NOL4L: variants seen among roughly 807,000 people sequenced by gnomAD.
NOL4L encodes the protein nucleolar protein 4 like.
NOL4L carries 7 observed loss-of-function variants against 64.5 expected under a neutral mutation model. The ratio of observed to expected loss-of-function variants is 0.11; its 90% CI spans 0.06 to 0.20. The LOEUF (loss-of-function observed/expected upper bound fraction) is 0.20, where lower values mean the gene tolerates loss of function less well. Among genes scored for constraint, NOL4L ranks in the 10% least tolerant of loss-of-function variants. NOL4L has a pLI of 1.00. For synonymous variants in NOL4L, 413 were observed against 401.0 expected (o/e 1.03, Z -0.36); for missense variants, 680 against 967.1 (o/e 0.70, Z 3.94).
intron 3 of NOL4L, among the ~76,000 whole-genome samples, chr20:32,512,614 G>A (rs1339319538): frequency 6.6e-6 from 1 of 152,128 alleles, no homozygotes; most frequent in Admixed American, 6.5e-5. Context: ...ATATGCTTCT[G>A]TTTATTTTTT....
At chr20:32,461,498 C>T (rs1482601244) in intron 5 of NOL4L, among the ~76,000 whole-genome samples, 6 of 148,284 alleles carry the variant, frequency 4.0e-5, no homozygotes, top group Non-Finnish European at 8.9e-5. Flanking sequence ...TCTCGGCTCA[C>T]TGCAAGCTCC....
chr20:32,488,747 T>TTCTTTTCC (rs1392925840), intron 4 of NOL4L, among the ~76,000 whole-genome samples: 30 of 106,906 alleles, frequency 2.8e-4, no homozygotes, highest in African/African-American at 6.5e-4. Flanking sequence ...CTTTCTTTCT[T>TTCTTTTCC]TTCCTTCCTT....
At chr20:32,488,793 T>TCCTTCCTTCCTTTCTTTCTTTC (rs1304215016) in intron 4 of NOL4L, among the ~76,000 whole-genome samples, 3 of 26,900 alleles carry the variant, frequency 1.1e-4, no homozygotes, top group Non-Finnish European at 1.7e-4. Flanking sequence ...CTTCCTTCCT[T>TCCTTCCTTCCTTTCTTTCTTTC]TCTTTCTTTC....
intron 3 of NOL4L, among the ~76,000 whole-genome samples, chr20:32,515,684 C>T (rs766959115): frequency 2.2e-4 from 33 of 152,262 alleles, no homozygotes; most frequent in Non-Finnish European, 1.8e-4. Flanking sequence ...CTCTGAGACA[C>T]GCCGCCCCCC....
chr20:32,554,441 A>G (rs1226957994), intron 1 of NOL4L, among the ~76,000 whole-genome samples: 1 of 152,144 alleles, frequency 6.6e-6, no homozygotes, highest in Non-Finnish European at 1.5e-5. Context: ...TCATGGGCAG[A>G]GAGACCCAGC....
At chr20:32,584,316 G>A (rs1358566076) in intron 1 of NOL4L, among the ~76,000 whole-genome samples, 2 of 151,200 alleles carry the variant, frequency 1.3e-5, no homozygotes, top group African/African-American at 4.8e-5. Context: ...GAGCAGCCCG[G>A]GACAGCCTGC....
rs927879931 is a variant in NOL4L, at chr20:32,541,680, C to T, written c.322-13767G>A. On this transcript the variant is annotated intron_variant, in intron 1 of 10. Transcript: ENST00000621426. ...CACAAACTGGCCTTTGTTCCTGGGC[C>T]GGCCAAGACCCAGCAGCTTGGGCTT... Among the ~76,000 whole-genome samples the T allele has an allele frequency of 2.0e-5, 3 of 152,248 alleles. No homozygotes were observed. In the East Asian group the frequency reaches 5.8e-4, roughly 29 times the overall value.
intron 1 of NOL4L, among the ~76,000 whole-genome samples, chr20:32,538,865 C>G (rs900381644): frequency 3.9e-5 from 6 of 152,204 alleles, no homozygotes; most frequent in African/African-American, 1.4e-4. Flanking sequence ...AGCCCTCTCC[C>G]GGAAAGGGAG....
chr20:32,461,062 C>T (rs2013994378), intron 5 of NOL4L, among the ~76,000 whole-genome samples: 1 of 152,210 alleles, frequency 6.6e-6, no homozygotes, highest in South Asian at 2.1e-4. Flanking sequence ...AGGGCTGAAG[C>T]CTCATGAACC....
intron 1 of NOL4L, among the ~76,000 whole-genome samples, chr20:32,539,895 C>G (rs2018622969): frequency 6.6e-6 from 1 of 152,160 alleles, no homozygotes; most frequent in African/African-American, 2.4e-5. Flanking sequence ...CTCCACTTCT[C>G]AGTAACTCTG....
At chr20:32,550,894 A>G (rs1180258799) in intron 1 of NOL4L, among the ~76,000 whole-genome samples, 1 of 149,418 alleles carries the variant, frequency 6.7e-6, no homozygotes, top group Non-Finnish European at 1.5e-5. Context: ...AAAAAAAGAA[A>G]AAAAAATACA....
Position 32,447,297 on chromosome 20 carries a change from A to G in NOL4L, c.*299T>C, listed in dbSNP as rs2145416158. On this transcript the variant is annotated 3_prime_UTR_variant, in exon 11 of 11. Transcript: ENST00000621426. Reference sequence around the variant, plus strand: ...CATCAGGGTCCACGAAGGTGATTCTAAACAGAGCTGCAGCCCCAGCGCCTT... The same window carrying G: ...CATCAGGGTCCACGAAGGTGATTCTGAACAGAGCTGCAGCCCCAGCGCCTT... 1.7e-6 allele frequency: 1 copy of G among 591,528 alleles called. No homozygotes were observed. The highest frequency in any genetic ancestry group is 3.8e-5 in the East Asian group (1 of 26,270). The allele number at this position is 591,528 out of a possible 1,614,324, so 36.6% of individuals were successfully genotyped here.
chr20:32,512,564 G>A (rs1433951422), intron 3 of NOL4L, among the ~76,000 whole-genome samples: 1 of 152,116 alleles, frequency 6.6e-6, no homozygotes, highest in East Asian at 1.9e-4. Flanking sequence ...AAGATGTAAA[G>A]AAAAAATTTA....
chr20:32,470,961 T>C (rs575442543), intron 5 of NOL4L, among the ~76,000 whole-genome samples: 1 of 152,334 alleles, frequency 6.6e-6, no homozygotes, highest in East Asian at 1.9e-4. Flanking sequence ...ATGAGGGCAC[T>C]GTGAGTGGTG....
At chr20:32,451,989 G>A (rs1184230728) in intron 10 of NOL4L, among the ~76,000 whole-genome samples, 6 of 152,206 alleles carry the variant, frequency 3.9e-5, no homozygotes, top group Non-Finnish European at 7.3e-5. Context: ...CGTCACTGGC[G>A]GTGAGAAGGG....
intron 4 of NOL4L, among the ~76,000 whole-genome samples, chr20:32,504,124 T>A (rs949523903): frequency 3.3e-5 from 5 of 152,190 alleles, no homozygotes; most frequent in Admixed American, 6.5e-5. Context: ...ATAAATCTCT[T>A]TTTTGTGGTT....
At chr20:32,511,782 G>A (rs1031997918) in intron 3 of NOL4L, among the ~76,000 whole-genome samples, 3 of 152,136 alleles carry the variant, frequency 2.0e-5, no homozygotes, top group Non-Finnish European at 4.4e-5. Flanking sequence ...CCCCAGGAGG[G>A]GACACAGGCC....
At position 32,527,902 on chromosome 20, in the gene NOL4L, G is replaced by A. The variant is rs1201082839; in HGVS notation, c.333C>T (p.Gly111=). Residue 111 remains glycine (G), a synonymous_variant, in exon 2 of 11, where the codon GGC becomes GGT. Transcript: ENST00000621426. ...GAGAGATGCCCTCTGGCTCCGACAG[G>A]CCATCTGCCCCCTGCGACAGGGTGG... ...VPVKTGSGAD[G]LSEPEGISLK... 14 of 1,550,338 alleles carry A rather than the reference G, an allele frequency of 9.0e-6. No homozygotes were observed. Among genetic ancestry groups the A allele is most frequent in the Non-Finnish European group, 1.2e-5 (14 of 1,146,880 alleles).
At chr20:32,470,711 G>A (rs2014948633) in intron 5 of NOL4L, among the ~76,000 whole-genome samples, 2 of 152,250 alleles carry the variant, frequency 1.3e-5, no homozygotes, top group Admixed American at 1.3e-4. Context: ...CCTGGCCCGT[G>A]CCTGGGCAGG....
Sources: gnomAD v4.1 joint callset for allele counts (sites outside exome capture counted in the v4.1 genomes callset) on GRCh38, gnomAD v4.1.1 for gene constraint, MANE v1.5 for transcripts, NCBI Gene and HGNC (gene_info 2026-07-23, HGNC 2026-07-21) for gene names.